The following CCDC137 variants were observed in gnomAD, a reference collection of about 807,000 sequenced individuals.
CCDC137 encodes the protein coiled-coil domain containing 137, also known as coiled-coil domain-containing protein 137.
Under a neutral mutation model 30.4 loss-of-function variants are expected in CCDC137, and 24 were observed. The observed-to-expected ratio is 0.79, with a 90% confidence interval of 0.57 to 1.11. CCDC137 has a LOEUF of 1.11. Among genes scored for constraint, CCDC137 ranks in the 50% least tolerant of loss-of-function variants. CCDC137 has a pLI of 0.00. For missense variants in CCDC137, 417 were observed against 380.4 expected (o/e 1.10, Z -0.80); for synonymous variants, 182 against 155.7 (o/e 1.17, Z -1.26).
chr17:81,671,676 G>A (rs1041477543), intron 3 of CCDC137, 68 bp from the exon 4 acceptor site: 37 of 1,513,084 alleles, frequency 2.4e-5, no homozygotes, highest in East Asian at 1.6e-4. Context: ...TGGGTGGGGC[G>A]GCCTCTGCCT....
intron 1 of CCDC137, among the ~76,000 whole-genome samples, chr17:81,667,305 T>G (rs2036647297): frequency 6.7e-6 from 1 of 150,250 alleles, no homozygotes; most frequent in African/African-American, 2.5e-5. Context: ...ATGTGGCCCC[T>G]GTATAGATAG....
rs947361618 is a variant in CCDC137 at position 81,672,351 on chromosome 17, A to T, written c.661-144A>T. ...AGATCCTGTGTCAAGAAAAAAAAAAACCCTCAGCCAACGTGTGCGCTGTCT... is the reference window on the plus strand; with the variant it reads ...AGATCCTGTGTCAAGAAAAAAAAAATCCCTCAGCCAACGTGTGCGCTGTCT... On this transcript the variant is annotated intron_variant, in intron 5 of 5. Transcript: ENST00000329214. 14 of 932,706 alleles carry T rather than the reference A, an allele frequency of 1.5e-5. No homozygotes were observed. The African/African-American group carries it at 2.0e-4, about 13-fold the overall frequency. The allele number at this position is 932,706 out of a possible 1,614,324, so 57.8% of individuals were successfully genotyped here.
intron 3 of CCDC137, 137 bp from the exon 4 acceptor site, chr17:81,671,607 G>A (rs60041560): frequency 0.069 from 52,072 of 753,074 alleles, 3,005 homozygotes; most frequent in East Asian, 0.26. Flanking sequence ...TAAGGGGAGC[G>A]GGGACTTGGA....
In CCDC137 at chr17:81,672,513, A is replaced by G. The variant is rs1344784317; in HGVS notation, c.679A>G (p.Met227Val). ...CCCTCAGCCTGGCAGGAGATCGCAG[A>G]TGCTGCGGATGCTTCTGAGCCCCGG... ...SKDQPGRRSQMLRMLLSPGGV... is the reference protein window; with the variant it reads ...SKDQPGRRSQVLRMLLSPGGV... The change falls in exon 6 of 6, where the codon ATG becomes GTG. Residue 227 changes from methionine (M) to valine (V), a missense_variant. Met to Val is a conservative substitution (Grantham distance 21, BLOSUM62 1). Coordinates refer to ENST00000329214, the MANE Select transcript of CCDC137 (RefSeq NM_199287.3). 1.9e-6 allele frequency: 3 copies of G among 1,561,020 alleles called. No homozygotes were observed. The Admixed American group carries it at 5.7e-5, about 30-fold the overall frequency.
At chr17:81,671,488 G>T (rs2036719298) in intron 3 of CCDC137, 1 of 514,562 alleles carries the variant, frequency 1.9e-6, no homozygotes, top group African/African-American at 1.9e-5. Context: ...CACATTGTCA[G>T]ATGTTCCCTG....
Position 81,666,851 on chromosome 17 carries a change from G to A in CCDC137, c.85G>A (p.Val29Met), listed in dbSNP as rs1598731219. 3 of 1,328,664 alleles carry A rather than the reference G, an allele frequency of 2.3e-6. No homozygotes were observed. The highest frequency in any genetic ancestry group is 2.9e-6 in the Non-Finnish European group (3 of 1,038,488). 82.3% of individuals were successfully genotyped at this position (1,328,664 alleles called of 1,614,324 possible). A position where few individuals can be genotyped will look rare whatever the true frequency, so the allele number is the denominator to read the frequency against. ...CCGGCGAGCGCGGGGGCGGCAGCAA[G>A]TGCAGCCGCTGGGGAAGCAGCGCCC... ...SPRRARGRQQ[V>M]QPLGKQRPAP... is the part of the protein sequence containing the mutation. Residue 29 changes from valine (V) to methionine (M), a missense_variant, in exon 1 of 6, where the codon GTG becomes ATG. Transcript: ENST00000329214.
chr17:81,671,285 G>A (rs967241085), intron 3 of CCDC137, among the ~76,000 whole-genome samples: 2 of 152,176 alleles, frequency 1.3e-5, no homozygotes, highest in African/African-American at 2.4e-5. Context: ...CTGGCGCCAC[G>A]GTGATCTCCA....
At position 81,673,332 on chromosome 17, in the gene CCDC137, G is replaced by A. The variant is rs1414934501; in HGVS notation, c.*628G>A. 6.6e-6 allele frequency: 1 copy of A among 152,456 alleles called. No individual in the cohort carries two copies. The highest frequency in any genetic ancestry group is 1.5e-5 in the Non-Finnish European group (1 of 68,274). The allele number at this position is 152,456 out of a possible 1,614,324, so 9.4% of individuals were successfully genotyped here. ...GGCAGCTGAGGCGAGTGGATCACCT[G>A]AGGTCAGGAGTTCGAACCAGCCTGG... On this transcript the variant is annotated 3_prime_UTR_variant, in exon 6 of 6. Transcript: ENST00000329214.
At position 81,672,677 on chromosome 17, in the gene CCDC137, C is replaced by T. The variant is rs781308470; in HGVS notation, c.843C>T (p.Ser281=). The T allele has an allele frequency of 5.6e-6, 9 of 1,597,994 alleles. No individual in the cohort carries two copies. Among genetic ancestry groups the T allele is most frequent in the Non-Finnish European group, 6.8e-6 (8 of 1,173,398 alleles). ...QLHGERPHLT[S]RKKPEPQL ...ACGGGGAGCGACCCCACCTCACTTCCCGGAAGAAGCCAGAGCCGCAGCTGT... is the reference window on the plus strand; with the variant it reads ...ACGGGGAGCGACCCCACCTCACTTCTCGGAAGAAGCCAGAGCCGCAGCTGT... The change falls in exon 6 of 6, where the codon TCC becomes TCT. Residue 281 remains serine, a synonymous_variant. Transcript: ENST00000329214.
intron 2 of CCDC137, among the ~76,000 whole-genome samples, chr17:81,669,084 T>C (rs966785610): frequency 1.3e-5 from 2 of 152,112 alleles, no homozygotes; most frequent in African/African-American, 4.8e-5. Flanking sequence ...GAGACGAGGT[T>C]TCACCATGTT....
chr17:81,669,065 T>C (rs2036686424), intron 2 of CCDC137, among the ~76,000 whole-genome samples: 1 of 152,082 alleles, frequency 6.6e-6, no homozygotes, highest in African/African-American at 2.4e-5. Flanking sequence ...AATTTTTGTA[T>C]TGTTAGTAGA....
intron 2 of CCDC137, among the ~76,000 whole-genome samples, chr17:81,668,441 G>A (rs967701148): frequency 6.6e-6 from 1 of 152,154 alleles, no homozygotes; most frequent in Non-Finnish European, 1.5e-5. Flanking sequence ...GTAACACTCT[G>A]GGCATGTTGG....
chr17:81,672,686 G>A lies in CCDC137; in HGVS notation c.852G>A (p.Lys284=), dbSNP rs1276442675. The A allele has an allele frequency of 6.3e-7, 1 of 1,593,502 alleles. No homozygotes were observed. The highest frequency in any genetic ancestry group is 1.7e-5 in the Admixed American group (1 of 57,464). The change falls in exon 6 of 6, where the codon AAG becomes AAA. Residue 284 remains lysine, a synonymous_variant. Transcript: ENST00000329214. ...GERPHLTSRK[K]PEPQL is the part of the protein sequence containing the mutation. ...GACCCCACCTCACTTCCCGGAAGAA[G>A]CCAGAGCCGCAGCTGTGATGGAGAG... is the stretch of plus-strand genomic sequence containing the variant.
intron 2 of CCDC137, among the ~76,000 whole-genome samples, chr17:81,669,646 G>A (rs34176560): frequency 0.088 from 13,334 of 151,660 alleles, 831 homozygotes; most frequent in East Asian, 0.22. Flanking sequence ...TGCAAGCTCC[G>A]CCTCCCGGGT....
chr17:81,671,933 C>T, intron 4 of CCDC137, 107 bp downstream of exon 4: 3 of 1,470,876 alleles, frequency 2.0e-6, no homozygotes, highest in Non-Finnish European at 2.8e-6. Flanking sequence ...GTGGTTTCCC[C>T]TGGGGTCCAC....
intron 2 of CCDC137, 123 bp from the exon 3 acceptor site, chr17:81,670,102 G>A (rs112623050): frequency 2.3e-5 from 17 of 725,644 alleles, no homozygotes; most frequent in African/African-American, 1.1e-4. Context: ...AGCTGCTGTC[G>A]TTGGGGTGCT....
Position 81,671,668 on chromosome 17 carries a change from G to C in CCDC137, c.498-76G>C. The C allele has an allele frequency of 2.1e-6, 3 of 1,457,446 alleles. No homozygotes were observed. In the South Asian group the frequency reaches 3.5e-5, roughly 17 times the overall value. The allele number at this position is 1,457,446 out of a possible 1,614,324, so 90.3% of individuals were successfully genotyped here. ...GCTCTGCCACAGGGGATCCCTTGTG[G>C]GTGGGGCGGCCTCTGCCTCCTCCCT... On this transcript the variant is annotated intron_variant, in intron 3 of 5. Coordinates refer to ENST00000329214, the MANE Select transcript of CCDC137 (RefSeq NM_199287.3).
rs968375060 is a variant in CCDC137, at chr17:81,673,126, C to T, written c.*422C>T. On this transcript the variant is annotated 3_prime_UTR_variant, in exon 6 of 6. Coordinates refer to ENST00000329214, the MANE Select transcript of CCDC137 (RefSeq NM_199287.3). ...AGGCAGAGCAGGCCACGGGCAGGGA[C>T]GACGCATCGGGACAGGGCTCTGCAG... 15 of 197,896 alleles carry T rather than the reference C, an allele frequency of 7.6e-5. No individual in the cohort carries two copies. Among genetic ancestry groups the T allele is most frequent in the Admixed American group, 1.6e-4 (3 of 18,882 alleles). 12.3% of individuals were successfully genotyped at this position (197,896 alleles called of 1,614,324 possible).
In CCDC137 at chr17:81,672,998, A is replaced by C. The variant is rs1012898442; in HGVS notation, c.*294A>C. Reference sequence around the variant, plus strand: ...CCAGGTGGACCTTAGGAAGGGCTGGATCCCTGTCCCTGAACACCAAATACC... The same window carrying C: ...CCAGGTGGACCTTAGGAAGGGCTGGCTCCCTGTCCCTGAACACCAAATACC... On this transcript the variant is annotated 3_prime_UTR_variant, in exon 6 of 6. Coordinates refer to ENST00000329214, the MANE Select transcript of CCDC137 (RefSeq NM_199287.3). The C allele has an allele frequency of 2.1e-6, 1 of 470,180 alleles. No individual in the cohort carries two copies. The highest frequency in any genetic ancestry group is 3.8e-6 in the Non-Finnish European group (1 of 261,484). The allele number at this position is 470,180 out of a possible 1,614,324, so 29.1% of individuals were successfully genotyped here.
Sources: gnomAD v4.1 joint callset for allele counts (sites outside exome capture counted in the v4.1 genomes callset) on GRCh38, gnomAD v4.1.1 for gene constraint, MANE v1.5 for transcripts, NCBI Gene and HGNC (gene_info 2026-07-23, HGNC 2026-07-21) for gene names.